The following XRCC4 variants were observed in gnomAD, a reference collection of about 807,000 sequenced individuals.
The protein encoded by XRCC4 is X-ray repair cross complementing 4.
A neutral mutation model predicts 39.1 loss-of-function variants in XRCC4; 28 were observed. That is an observed-to-expected ratio of 0.72 (90% CI 0.53 to 0.98). XRCC4 has a LOEUF of 0.98. Ranked by LOEUF, XRCC4 falls within the 50% of genes least tolerant of loss-of-function variation. The probability of loss-of-function intolerance (pLI) is 0.00; values close to 1 mark genes in which losing one functional copy is unlikely to be tolerated. For missense variants in XRCC4, 350 were observed against 376.4 expected, an observed-to-expected ratio of 0.93 and a Z score of 0.58; for synonymous variants, 123 against 126.4, an observed-to-expected ratio of 0.97 and a Z score of 0.18.
At chr5:83,097,489 T>G (rs1465843977) in intron 1 of XRCC4, among the ~76,000 whole-genome samples, 1 of 152,146 alleles carries the variant, frequency 6.6e-6, no homozygotes, top group Non-Finnish European at 1.5e-5. Flanking sequence ...GTACATTGTT[T>G]ATAAGTCTTA....
intron 4 of XRCC4, 69 bp downstream of exon 4, chr5:83,196,005 A>G (rs1223652292): frequency 7.0e-7 from 1 of 1,430,408 alleles, no homozygotes; most frequent in Non-Finnish European, 9.3e-7. Context: ...CTTTAAGTTA[A>G]TGATTGGTAA....
intron 3 of XRCC4, among the ~76,000 whole-genome samples, chr5:83,120,305 GT>G (rs202193131): frequency 6.6e-6 from 1 of 151,354 alleles, no homozygotes. Context: ...TACCAAATCA[GT>G]TTTTTTTTAA....
chr5:83,197,604 T>C (rs6891767), intron 4 of XRCC4, among the ~76,000 whole-genome samples: 9,747 of 152,236 alleles, frequency 0.064, 507 homozygotes, highest in African/African-American at 0.14. Flanking sequence ...ACAGTGTGTG[T>C]GAGGGGCACA....
intron 7 of XRCC4, among the ~76,000 whole-genome samples, chr5:83,304,787 G>A (rs1419691733): frequency 6.6e-6 from 1 of 152,016 alleles, no homozygotes; most frequent in Admixed American, 6.6e-5. Context: ...AGTTGGATAG[G>A]ACTAATTTGC....
intron 3 of XRCC4, among the ~76,000 whole-genome samples, chr5:83,168,224 C>A (rs1402618748): frequency 2.6e-5 from 4 of 151,856 alleles, no homozygotes; most frequent in African/African-American, 9.7e-5. Context: ...AGACAAATAC[C>A]GATCAAAATA....
chr5:83,187,925 A>G (rs1369141621), intron 3 of XRCC4, among the ~76,000 whole-genome samples: 1 of 152,212 alleles, frequency 6.6e-6, no homozygotes, highest in Non-Finnish European at 1.5e-5. Flanking sequence ...GACAATAGAT[A>G]CATTTTGGGA....
At chr5:83,228,393 G>A (rs1266798238) in intron 6 of XRCC4, among the ~76,000 whole-genome samples, 3 of 151,862 alleles carry the variant, frequency 2.0e-5, no homozygotes, top group African/African-American at 7.3e-5. Flanking sequence ...TGCCTCCAGA[G>A]TTTCTTTCTA....
Position 83,111,183 on chromosome 5 carries a change from A to G in XRCC4, c.295A>G (p.Lys99Glu), listed in dbSNP as rs1746429231. The G allele has an allele frequency of 1.3e-6, 2 of 1,589,300 alleles. No individual in the cohort carries two copies. The highest frequency in any genetic ancestry group is 1.7e-6 in the Non-Finnish European group (2 of 1,172,120). Residue 99 changes from lysine to glutamate, a missense_variant, in exon 3 of 8, where the codon AAA becomes GAA. By Grantham distance (56) the Lys-to-Glu change is moderately conservative. Transcript: ENST00000396027. ...SKESCYFFFE[K>E]NLKDVSFRLG... ...AGAGTCTTGTTATTTCTTCTTTGAG[A>G]AAAACCTGAAAGATGTCTCAGTAAG...
At chr5:83,168,160 T>C (rs1321316718) in intron 3 of XRCC4, among the ~76,000 whole-genome samples, 1 of 152,104 alleles carries the variant, frequency 6.6e-6, no homozygotes, top group Admixed American at 6.6e-5. Flanking sequence ...ATAAGAAACA[T>C]CTAAAACCTA....
chr5:83,097,349 T>TG (rs2112341657), intron 1 of XRCC4, among the ~76,000 whole-genome samples: 1 of 122,232 alleles, frequency 8.2e-6, no homozygotes, highest in African/African-American at 3.6e-5. Context: ...TTATAGGTTT[T>TG]GTTTTTTTTT....
At chr5:83,203,944 T>C (rs1751317482) in intron 5 of XRCC4, among the ~76,000 whole-genome samples, 1 of 152,108 alleles carries the variant, frequency 6.6e-6, no homozygotes, top group African/African-American at 2.4e-5. Context: ...GACATGAGGC[T>C]TATTAAAGTA....
intron 3 of XRCC4, among the ~76,000 whole-genome samples, chr5:83,155,574 T>C (rs913866996): frequency 1.3e-5 from 2 of 152,138 alleles, no homozygotes; most frequent in African/African-American, 4.8e-5. Context: ...TGAAGATTCA[T>C]TGTAGACTAG....
chr5:83,089,343 GAGA>G (rs1303736926), intron 1 of XRCC4, among the ~76,000 whole-genome samples: 1 of 152,156 alleles, frequency 6.6e-6, no homozygotes, highest in Non-Finnish European at 1.5e-5. Flanking sequence ...TTTCCATCAG[GAGA>G]AGAACTGGCA....
chr5:83,229,968 A>G (rs113693683), intron 6 of XRCC4, among the ~76,000 whole-genome samples: 4,593 of 152,034 alleles, frequency 0.03, 89 homozygotes, highest in Non-Finnish European at 0.043. Flanking sequence ...AATTTTGTTG[A>G]TATTAAATTA....
intron 7 of XRCC4, chr5:83,280,423 G>A: frequency 1.5e-6 from 1 of 648,774 alleles, no homozygotes; most frequent in Non-Finnish European, 2.8e-6. Context: ...GTTTATTAAT[G>A]GTGCCGCAAT....
intron 4 of XRCC4, chr5:83,201,112 A>G (rs986067321): frequency 9.2e-5 from 14 of 152,254 alleles, no homozygotes; most frequent in Admixed American, 2.0e-4. Flanking sequence ...GTGAATAGCT[A>G]TTAAATGAGG....
At chr5:83,211,346 G>T (rs1193893517) in intron 6 of XRCC4, among the ~76,000 whole-genome samples, 1 of 152,208 alleles carries the variant, frequency 6.6e-6, no homozygotes, top group Non-Finnish European at 1.5e-5. Flanking sequence ...GCAGCAGAGG[G>T]TGATACTCAC....
At chr5:83,101,114 A>G (rs896215367) in intron 1 of XRCC4, among the ~76,000 whole-genome samples, 2 of 152,126 alleles carry the variant, frequency 1.3e-5, no homozygotes, top group African/African-American at 4.8e-5. Flanking sequence ...TTAAAGGATC[A>G]TCTAATGAGA....
intron 3 of XRCC4, among the ~76,000 whole-genome samples, chr5:83,137,312 AG>A (rs1464545052): frequency 1.3e-5 from 2 of 152,188 alleles, no homozygotes; most frequent in Non-Finnish European, 2.9e-5. Flanking sequence ...TATAATAATT[AG>A]ACTTAACTGG....
Sources: gnomAD v4.1 joint callset for allele counts (sites outside exome capture counted in the v4.1 genomes callset) on GRCh38, gnomAD v4.1.1 for gene constraint, MANE v1.5 for transcripts, NCBI Gene and HGNC (gene_info 2026-07-23, HGNC 2026-07-21) for gene names.